Variants in GRB10 observed in about 807,000 individuals in gnomAD.
GRB10 encodes growth factor receptor-bound protein 10.
Under a neutral mutation model 80.9 loss-of-function variants are expected in GRB10, and 20 were observed. The observed-to-expected ratio is 0.25, with a 90% CI of 0.17 to 0.36. GRB10 has a LOEUF of 0.36. Ranked by LOEUF, GRB10 falls within the 10% of genes least tolerant of loss-of-function variation. GRB10 has a pLI of 1.00. For synonymous variants in GRB10, 291 were observed against 291.5 expected (o/e 1.00, Z 0.02); for missense variants, 548 against 747.7 (o/e 0.73, Z 3.12).
At chr7:50,614,980 T>C in intron 11 of GRB10, 100 bp from the exon 12 acceptor site, 1 of 778,942 alleles carries the variant, frequency 1.3e-6, no homozygotes. Context: ...TTACAAGCAC[T>C]TTCCCCGATG....
intron 7 of GRB10, among the ~76,000 whole-genome samples, chr7:50,637,875 T>C (rs1313395052): frequency 7.2e-6 from 1 of 138,148 alleles, no homozygotes; most frequent in African/African-American, 2.4e-5. Flanking sequence ...TGAAATGGAA[T>C]AGAGAACACA....
rs916636278 is a variant in GRB10 at position 50,592,843 on chromosome 7, C to T, written c.*109G>A. ...GCTGGCACCGAACAAACCCATCTCG[C>T]TCTGGGTCCCCAGGTGCAGAATCGA... is the stretch of plus-strand genomic sequence containing the variant. On this transcript the variant is annotated 3_prime_UTR_variant, in exon 19 of 19. Coordinates refer to ENST00000401949, the MANE Select transcript of GRB10 (RefSeq NM_001350814.2). 4.0e-5 allele frequency: 51 copies of T among 1,290,420 alleles called. No homozygotes were observed. The highest frequency in any genetic ancestry group is 5.6e-5 in the Non-Finnish European group (50 of 892,044). The allele number at this position is 1,290,420 out of a possible 1,614,324, so 79.9% of individuals were successfully genotyped here.
At chr7:50,788,267 G>A (rs1057175867) in intron 1 of GRB10, among the ~76,000 whole-genome samples, 1 of 152,184 alleles carries the variant, frequency 6.6e-6, no homozygotes, top group African/African-American at 2.4e-5. Flanking sequence ...GTAAACTAAA[G>A]GCCCTGCACA....
intron 8 of GRB10, among the ~76,000 whole-genome samples, chr7:50,625,037 T>C (rs1161769955): frequency 6.6e-6 from 1 of 152,360 alleles, no homozygotes; most frequent in Non-Finnish European, 1.5e-5. Context: ...TGTGTGCTTA[T>C]GGACATTTCT....
chr7:50,724,802 G>C (rs955216580), intron 4 of GRB10, among the ~76,000 whole-genome samples: 2 of 152,204 alleles, frequency 1.3e-5, no homozygotes, highest in African/African-American at 4.8e-5. Context: ...AGGCCAGAAG[G>C]GAGCACAGTC....
chr7:50,683,602 T>G (rs2061774732), intron 5 of GRB10, among the ~76,000 whole-genome samples: 1 of 152,022 alleles, frequency 6.6e-6, no homozygotes, highest in African/African-American at 2.4e-5. Context: ...CCAGGTGTGG[T>G]GGTGTGCACC....
chr7:50,632,098 C>A (rs1200805475), intron 7 of GRB10, among the ~76,000 whole-genome samples: 3 of 152,168 alleles, frequency 2.0e-5, no homozygotes, highest in Non-Finnish European at 4.4e-5. Context: ...CATAACCAAC[C>A]AGGGTAGGCT....
At chr7:50,627,341 G>A (rs2053094348) in intron 7 of GRB10, among the ~76,000 whole-genome samples, 1 of 152,124 alleles carries the variant, frequency 6.6e-6, no homozygotes. Flanking sequence ...ACATTTTACA[G>A]TTGAACCAAT....
At chr7:50,756,230 G>C (rs958391606) in intron 2 of GRB10, among the ~76,000 whole-genome samples, 174 bp from the exon 3 acceptor site, 1 of 152,222 alleles carries the variant, frequency 6.6e-6, no homozygotes, top group Non-Finnish European at 1.5e-5. Context: ...GTAAGATGTA[G>C]GTTTCTAGTT....
intron 5 of GRB10, among the ~76,000 whole-genome samples, chr7:50,689,994 A>G (rs2062603416): frequency 6.7e-6 from 1 of 150,218 alleles, no homozygotes; most frequent in Non-Finnish European, 1.5e-5. Context: ...GTGGTTAAAA[A>G]GGAAAAAAAA....
intron 7 of GRB10, among the ~76,000 whole-genome samples, chr7:50,653,206 G>A (rs768595057): frequency 8.5e-5 from 13 of 152,158 alleles, no homozygotes; most frequent in Non-Finnish European, 1.6e-4. Flanking sequence ...GGCACTGTCA[G>A]CCCTAGGCCG....
At chr7:50,759,192 C>CAA (rs57526722) in intron 2 of GRB10, among the ~76,000 whole-genome samples, 6,860 of 113,420 alleles carry the variant, frequency 0.06, 218 homozygotes, top group Non-Finnish European at 0.082. Context: ...GACTCTGCCT[C>CAA]AAAAAAAAAA....
intron 7 of GRB10, among the ~76,000 whole-genome samples, chr7:50,662,453 T>C (rs1259774702): frequency 1.3e-5 from 2 of 152,318 alleles, no homozygotes; most frequent in African/African-American, 4.8e-5. Flanking sequence ...TGCCAGTGTG[T>C]GCTGCATTTG....
At chr7:50,736,775 G>C (rs2070862752) in intron 3 of GRB10, among the ~76,000 whole-genome samples, 1 of 152,070 alleles carries the variant, frequency 6.6e-6, no homozygotes, top group African/African-American at 2.4e-5. Flanking sequence ...CAGTGAGACT[G>C]TTTCAAAAAA....
chr7:50,656,511 A>T (rs1005828087), intron 7 of GRB10, among the ~76,000 whole-genome samples: 1 of 152,172 alleles, frequency 6.6e-6, no homozygotes, highest in Non-Finnish European at 1.5e-5. Context: ...GCAGGGCCAC[A>T]CAGGCCTGAC....
intron 2 of GRB10, among the ~76,000 whole-genome samples, chr7:50,760,635 G>C (rs2075658607): frequency 6.6e-6 from 1 of 152,204 alleles, no homozygotes; most frequent in South Asian, 2.1e-4. Flanking sequence ...TAAAGCAAAA[G>C]TAGTTAAAAT....
intron 13 of GRB10, among the ~76,000 whole-genome samples, chr7:50,607,242 C>T (rs1413606254): frequency 6.6e-6 from 1 of 152,092 alleles, no homozygotes; most frequent in Non-Finnish European, 1.5e-5. Context: ...TGAGGTAATC[C>T]GCATCTTTGT....
chr7:50,654,219 G>C (rs1296685708), intron 7 of GRB10, among the ~76,000 whole-genome samples: 1 of 152,182 alleles, frequency 6.6e-6, no homozygotes, highest in Non-Finnish European at 1.5e-5. Flanking sequence ...GGAATGCCTG[G>C]GGATGCCTAG....
At position 50,755,879 on chromosome 7, in the gene GRB10, G is replaced by A. The variant is rs186651022; in HGVS notation, c.-47+8C>T. 8.7e-4 allele frequency: 346 copies of A among 398,768 alleles called. No individual in the cohort carries two copies. The highest frequency in any genetic ancestry group is 5.5e-3 in the African/African-American group (270 of 48,766). 24.7% of individuals were successfully genotyped at this position (398,768 alleles called of 1,614,324 possible). ...GCACTAGTGACTAGTGTCATGCATA[G>A]GGCTTACCTGTCAGGAGTTGGCTCT... On this transcript the variant is annotated splice_region_variant and intron_variant, in intron 3 of 18. Coordinates refer to ENST00000401949, the MANE Select transcript of GRB10 (RefSeq NM_001350814.2).
Sources: allele counts gnomAD v4.1 joint callset (sites outside exome capture counted in the v4.1 genomes callset), GRCh38; gene constraint gnomAD v4.1.1; transcripts MANE v1.5; gene names NCBI Gene and HGNC (gene_info 2026-07-23, HGNC 2026-07-21).